DDX60: variants seen among roughly 807,000 people sequenced by gnomAD.
DDX60 encodes the protein DExD/H-box helicase 60.
Under a neutral mutation model 212.8 loss-of-function variants are expected in DDX60, and 165 were observed. That is an observed-to-expected ratio of 0.78 (90% CI 0.68 to 0.88). DDX60 has a LOEUF of 0.88. Ranked by LOEUF, DDX60 falls within the 40% of genes least tolerant of loss-of-function variation. The pLI is 0.00. For missense variants in DDX60, 1,905 were observed against 2,003.9 expected, an observed-to-expected ratio of 0.95 and a Z score of 0.94; for synonymous variants, 703 against 685.3, an observed-to-expected ratio of 1.03 and a Z score of -0.40.
At chr4:168,262,210 G>C in intron 23 of DDX60, 82 bp from the exon 24 acceptor site, 1 of 1,441,348 alleles carries the variant, frequency 6.9e-7, no homozygotes, top group Non-Finnish European at 9.2e-7. Context: ...CTCATTAACA[G>C]CCTTACAAGT....
At chr4:168,256,269 C>A (rs1734409844) in intron 25 of DDX60, among the ~76,000 whole-genome samples, 1 of 152,094 alleles carries the variant, frequency 6.6e-6, no homozygotes, top group African/African-American at 2.4e-5. Context: ...ATCCCCAACA[C>A]CACCCTTCTC....
chr4:168,290,313 GTTTTC>G (rs1300568151), intron 8 of DDX60, among the ~76,000 whole-genome samples: 9 of 146,182 alleles, frequency 6.2e-5, no homozygotes, highest in East Asian at 4.0e-4. Flanking sequence ...ATTTCTTTCT[GTTTTC>G]TTTTCTTTTC....
chr4:168,310,993 C>T lies in DDX60; in HGVS notation c.74+5G>A, dbSNP rs771696195. 3 of 1,510,270 alleles carry T rather than the reference C, an allele frequency of 2.0e-6. No individual in the cohort carries two copies. Among genetic ancestry groups the T allele is most frequent in the Non-Finnish European group, 2.8e-6 (3 of 1,089,598 alleles). 93.6% of individuals were successfully genotyped at this position (1,510,270 alleles called of 1,614,324 possible). ...TCCCGTCTTTATTACTATAATAATACTCACTCAGCTTTTGGCATTTCATTC... is the reference window on the plus strand; with the variant it reads ...TCCCGTCTTTATTACTATAATAATATTCACTCAGCTTTTGGCATTTCATTC... On this transcript the variant is annotated splice_donor_5th_base_variant and intron_variant, in intron 3 of 37. Coordinates refer to ENST00000393743, the MANE Select transcript of DDX60 (RefSeq NM_017631.6).
intron 19 of DDX60, among the ~76,000 whole-genome samples, chr4:168,270,039 G>A (rs1381142202): frequency 6.6e-6 from 1 of 152,170 alleles, no homozygotes; most frequent in East Asian, 1.9e-4. Flanking sequence ...ACGTGGGCTG[G>A]CATCATCATT....
At chr4:168,228,493 T>C (rs968634050) in intron 33 of DDX60, among the ~76,000 whole-genome samples, 4 of 152,086 alleles carry the variant, frequency 2.6e-5, no homozygotes, top group African/African-American at 4.8e-5. Context: ...TTTTTCCTTT[T>C]GTTAACATGT....
intron 5 of DDX60, 44 bp downstream of exon 5, chr4:168,306,335 T>G (rs749090337): frequency 1.3e-6 from 2 of 1,483,184 alleles, no homozygotes; most frequent in Non-Finnish European, 1.8e-6. Context: ...ACTTAGAACA[T>G]TTTGAAAATT....
chr4:168,286,679 A>G (rs1735876951), intron 10 of DDX60, among the ~76,000 whole-genome samples: 1 of 151,942 alleles, frequency 6.6e-6, no homozygotes, highest in South Asian at 2.1e-4. Context: ...TTCAGCCCCT[A>G]GGATGTTTTG....
At chr4:168,247,519 G>A (rs149989363) in intron 29 of DDX60, among the ~76,000 whole-genome samples, 2,635 of 152,302 alleles carry the variant, frequency 0.017, 26 homozygotes, top group Middle Eastern at 0.031. Context: ...CTGCATGTGG[G>A]TGACATATCT....
At chr4:168,249,885 A>G (rs982272809) in intron 28 of DDX60, among the ~76,000 whole-genome samples, 1 of 152,206 alleles carries the variant, frequency 6.6e-6, no homozygotes, top group Non-Finnish European at 1.5e-5. Flanking sequence ...AAAAGATGCT[A>G]CCTAGAGTAG....
At chr4:168,270,137 C>T (rs1372327020) in intron 19 of DDX60, among the ~76,000 whole-genome samples, 1 of 152,202 alleles carries the variant, frequency 6.6e-6, no homozygotes, top group African/African-American at 2.4e-5. Flanking sequence ...TAAACTGTAA[C>T]CTTAGACCTG....
At chr4:168,316,590 C>T (rs1020982157) in intron 1 of DDX60, among the ~76,000 whole-genome samples, 9 of 152,068 alleles carry the variant, frequency 5.9e-5, no homozygotes, top group Admixed American at 2.6e-4. Flanking sequence ...ACTGCACCAT[C>T]GCATTACCAA....
At chr4:168,291,688 T>C in intron 8 of DDX60, 60 bp downstream of exon 8, 2 of 1,438,154 alleles carry the variant, frequency 1.4e-6, no homozygotes, top group South Asian at 3.0e-5. Context: ...TGAAAGTTAT[T>C]GTAGTTTCTA....
intron 1 of DDX60, among the ~76,000 whole-genome samples, chr4:168,312,529 T>C (rs968364348): frequency 7.9e-5 from 12 of 151,880 alleles, no homozygotes; most frequent in African/African-American, 2.9e-4. Context: ...GGAGGAAGAA[T>C]CCACAAAGGT....
At chr4:168,296,874 C>CTTT (rs35177897) in intron 6 of DDX60, among the ~76,000 whole-genome samples, 4 of 134,790 alleles carry the variant, frequency 3.0e-5, no homozygotes, top group Admixed American at 7.5e-5. Context: ...AAAAAGTGAT[C>CTTT]TTTTTTTTTT....
intron 25 of DDX60, 66 bp from the exon 26 acceptor site, chr4:168,255,935 A>C: frequency 6.8e-7 from 1 of 1,462,386 alleles, no homozygotes; most frequent in Non-Finnish European, 9.1e-7. Flanking sequence ...CCATATTTCC[A>C]TCTACTACTA....
chr4:168,291,578 T>C (rs1006364632), intron 8 of DDX60, among the ~76,000 whole-genome samples, 170 bp downstream of exon 8: 14 of 152,334 alleles, frequency 9.2e-5, no homozygotes, highest in Middle Eastern at 3.4e-3. Flanking sequence ...ATTTGTTAGT[T>C]CTCCTAAACA....
intron 3 of DDX60, among the ~76,000 whole-genome samples, chr4:168,310,668 T>C (rs1294417099): frequency 6.6e-6 from 1 of 152,254 alleles, no homozygotes; most frequent in Non-Finnish European, 1.5e-5. Context: ...AGTTAAGTTT[T>C]GGAGGAGTAA....
intron 6 of DDX60, among the ~76,000 whole-genome samples, chr4:168,297,357 A>AGAAGGAAG (rs1736426318): frequency 1.4e-5 from 1 of 71,150 alleles, no homozygotes; most frequent in African/African-American, 1.1e-4. Context: ...AAAGAAAGAA[A>AGAAGGAAG]GAAAGAAAGA....
intron 13 of DDX60, among the ~76,000 whole-genome samples, chr4:168,281,834 G>A (rs539626520): frequency 2.0e-5 from 3 of 152,232 alleles, no homozygotes; most frequent in South Asian, 2.1e-4. Flanking sequence ...TAATATTTGA[G>A]TTTTCCCAGT....
Sources: allele counts gnomAD v4.1 joint callset (sites outside exome capture counted in the v4.1 genomes callset), GRCh38; gene constraint gnomAD v4.1.1; transcripts MANE v1.5; gene names NCBI Gene and HGNC (gene_info 2026-07-23, HGNC 2026-07-21).